Variants in KCNJ6 observed in about 807,000 individuals in gnomAD.
The protein encoded by KCNJ6 is G protein-activated inward rectifier potassium channel 2.
Under a neutral mutation model 34.2 loss-of-function variants are expected in KCNJ6, and 9 were observed. The observed-to-expected ratio is 0.26, with a 90% CI of 0.16 to 0.46. The LOEUF (loss-of-function observed/expected upper bound fraction) is 0.46. KCNJ6 is among the 20% of genes least tolerant of loss of function. The probability of loss-of-function intolerance (pLI) is 1.00; values close to 1 mark genes in which losing one functional copy is unlikely to be tolerated. For synonymous variants in KCNJ6, 196 were observed against 207.1 expected, an observed-to-expected ratio of 0.95 and a Z score of 0.46; for missense variants, 236 against 531.3, an observed-to-expected ratio of 0.44 and a Z score of 5.46.
chr21:37,785,800 G>T (rs2055189966), intron 2 of KCNJ6, among the ~76,000 whole-genome samples: 1 of 152,200 alleles, frequency 6.6e-6, no homozygotes, highest in African/African-American at 2.4e-5. Flanking sequence ...GTACTAGGAG[G>T]TAGAGCCAGA....
intron 2 of KCNJ6, among the ~76,000 whole-genome samples, chr21:37,728,698 GTA>G (rs57901753): frequency 0.2 from 30,106 of 150,206 alleles, 3,150 homozygotes; most frequent in African/African-American, 0.27. Flanking sequence ...GTGTGTGTGT[GTA>G]TATATATATA....
At chr21:37,633,083 A>G (rs1005584331) in intron 3 of KCNJ6, among the ~76,000 whole-genome samples, 1 of 152,176 alleles carries the variant, frequency 6.6e-6, no homozygotes, top group African/African-American at 2.4e-5. Context: ...TGTAGCTACA[A>G]GAATCCTAGA....
At chr21:37,753,337 A>G (rs1329920938) in intron 2 of KCNJ6, among the ~76,000 whole-genome samples, 1 of 152,194 alleles carries the variant, frequency 6.6e-6, no homozygotes, top group Non-Finnish European at 1.5e-5. Context: ...CCCTGGGATC[A>G]GCACATTTGA....
At chr21:37,734,156 G>A (rs1172105527) in intron 2 of KCNJ6, among the ~76,000 whole-genome samples, 3 of 152,172 alleles carry the variant, frequency 2.0e-5, no homozygotes, top group African/African-American at 4.8e-5. Flanking sequence ...AGTAGATGTG[G>A]GCTCCTACCT....
At chr21:37,833,203 C>T (rs1490512866) in intron 2 of KCNJ6, among the ~76,000 whole-genome samples, 2 of 151,978 alleles carry the variant, frequency 1.3e-5, no homozygotes, top group Non-Finnish European at 2.9e-5. Flanking sequence ...TTAGTGGAGA[C>T]GGGGTTTCAC....
chr21:37,716,142 C>A (rs1448855096), intron 2 of KCNJ6, among the ~76,000 whole-genome samples: 1 of 152,148 alleles, frequency 6.6e-6, no homozygotes, highest in African/African-American at 2.4e-5. Flanking sequence ...GAGTCTTGAA[C>A]AAGCTCTTTG....
At chr21:37,645,705 A>C (rs532856017) in intron 3 of KCNJ6, among the ~76,000 whole-genome samples, 1 of 152,290 alleles carries the variant, frequency 6.6e-6, no homozygotes, top group South Asian at 2.1e-4. Flanking sequence ...ACGGGTGAGC[A>C]CCCAGTGGTA....
intron 3 of KCNJ6, among the ~76,000 whole-genome samples, chr21:37,697,651 T>A (rs148503569): frequency 5.6e-4 from 86 of 152,318 alleles, no homozygotes; most frequent in East Asian, 5.0e-3. Context: ...GATGAGAAAG[T>A]TCAAACAATA....
rs144207107 is a variant in KCNJ6, at chr21:37,700,375, C to T, written c.946+13836G>A. Among the ~76,000 whole-genome samples, 666 of 152,272 alleles carry T rather than the reference C, an allele frequency of 4.4e-3. 9 individuals are homozygous for T. Among genetic ancestry groups the T allele is most frequent in the African/African-American group, 0.015 (616 of 41,550 alleles). On this transcript the variant is annotated intron_variant, in intron 3 of 3. Coordinates refer to ENST00000609713, the MANE Select transcript of KCNJ6 (RefSeq NM_002240.5). ...AAATAATCCATGGCATATTCAGGAACGTCTGCAGCCTATGGAGGTAGTGGG... is the reference window on the plus strand; with the variant it reads ...AAATAATCCATGGCATATTCAGGAATGTCTGCAGCCTATGGAGGTAGTGGG...
rs1338605261 is a variant in KCNJ6 at position 37,608,567 on chromosome 21, T to C, written c.*16592A>G. 6.6e-6 allele frequency: 1 copy of C among 152,288 alleles called. No individual in the cohort carries two copies. The highest frequency in any genetic ancestry group is 6.5e-5 in the Admixed American group (1 of 15,292). 9.4% of individuals were successfully genotyped at this position (152,288 alleles called of 1,614,324 possible). A position where few individuals can be genotyped will look rare whatever the true frequency, so the allele number is the denominator to read the frequency against. ...CTTACTGCTTACGCAGAAACTGATC[T>C]ACTTTCTTTACATTCCAGCAAATTT... On this transcript the variant is annotated 3_prime_UTR_variant, in exon 4 of 4. Transcript: ENST00000609713.
intron 2 of KCNJ6, among the ~76,000 whole-genome samples, chr21:37,821,320 C>T (rs2055372165): frequency 6.6e-6 from 1 of 152,142 alleles, no homozygotes; most frequent in Non-Finnish European, 1.5e-5. Context: ...TTTCAACAAC[C>T]CAAAAGGAAA....
chr21:37,914,008 GGTGTGTGTGT>G (rs371432862), intron 1 of KCNJ6, among the ~76,000 whole-genome samples: 46 of 135,584 alleles, frequency 3.4e-4, no homozygotes, highest in African/African-American at 6.3e-4. Flanking sequence ...GGCGGATCGG[GGTGTGTGTGT>G]GTGTGTGTGT....
chr21:37,872,436 G>C (rs1319264005), intron 1 of KCNJ6, among the ~76,000 whole-genome samples: 1 of 152,146 alleles, frequency 6.6e-6, no homozygotes, highest in Admixed American at 6.5e-5. Context: ...TAGGGAATGG[G>C]GCACCTTGGC....
chr21:37,728,230 C>T (rs545881139), intron 2 of KCNJ6, among the ~76,000 whole-genome samples: 2 of 152,316 alleles, frequency 1.3e-5, no homozygotes, highest in African/African-American at 4.8e-5. Context: ...TATGATTTCA[C>T]TTACGTGAGG....
intron 1 of KCNJ6, among the ~76,000 whole-genome samples, chr21:37,869,265 G>A (rs1184241002): frequency 6.6e-6 from 1 of 152,224 alleles, no homozygotes; most frequent in Non-Finnish European, 1.5e-5. Flanking sequence ...TCATATGAGT[G>A]ACCCCTCTTC....
rs561198414 is a variant in KCNJ6, at chr21:37,615,650, C to A, written c.*9509G>T. ...GTATTCTGGAACTTTGCTCTGGGGGCAAAAATGAGTATTTCTGATTTGAAA... is the reference window on the plus strand; with the variant it reads ...GTATTCTGGAACTTTGCTCTGGGGGAAAAAATGAGTATTTCTGATTTGAAA... On this transcript the variant is annotated 3_prime_UTR_variant, in exon 4 of 4. Coordinates refer to ENST00000609713, the MANE Select transcript of KCNJ6 (RefSeq NM_002240.5). 5.3e-5 allele frequency: 8 copies of A among 152,000 alleles called. No homozygotes were observed. In the East Asian group the frequency reaches 1.5e-3, roughly 29 times the overall value. 9.4% of individuals were successfully genotyped at this position (152,000 alleles called of 1,614,324 possible). A position where few individuals can be genotyped will look rare whatever the true frequency, so the allele number is the denominator to read the frequency against.
chr21:37,910,070 T>C (rs2055859944), intron 1 of KCNJ6, among the ~76,000 whole-genome samples: 1 of 152,102 alleles, frequency 6.6e-6, no homozygotes, highest in Non-Finnish European at 1.5e-5. Context: ...TGGGATAGAG[T>C]GTTCCAGACC....
chr21:37,626,411 G>C (rs951194295), intron 3 of KCNJ6, among the ~76,000 whole-genome samples: 3 of 152,174 alleles, frequency 2.0e-5, no homozygotes, highest in Non-Finnish European at 2.9e-5. Flanking sequence ...TGGGATTACA[G>C]GCGTGAGCCA....
At chr21:37,672,550 G>T (rs1428617109) in intron 3 of KCNJ6, among the ~76,000 whole-genome samples, 6 of 151,916 alleles carry the variant, frequency 3.9e-5, no homozygotes, top group Non-Finnish European at 8.8e-5. Flanking sequence ...TCATAAGTCA[G>T]TTTGGGTTCT....
Sources: allele counts gnomAD v4.1 joint callset (sites outside exome capture counted in the v4.1 genomes callset), GRCh38; gene constraint gnomAD v4.1.1; transcripts MANE v1.5; gene names NCBI Gene and HGNC (gene_info 2026-07-23, HGNC 2026-07-21).